Variants in PTAR1 observed in about 807,000 individuals in gnomAD.
PTAR1 encodes the protein protein prenyltransferase alpha subunit repeat-containing protein 1.
PTAR1 carries 17 observed loss-of-function variants against 45.5 expected under a neutral mutation model. The observed-to-expected ratio is 0.37, with a 90% CI of 0.26 to 0.56. The LOEUF (loss-of-function observed/expected upper bound fraction) is 0.56, where lower values mean the gene tolerates loss of function less well. PTAR1 is among the 20% of genes least tolerant of loss of function. PTAR1 has a pLI of 0.77. For missense variants in PTAR1, 391 were observed against 476.3 expected (o/e 0.82, Z 1.67); for synonymous variants, 169 against 171.3 (o/e 0.99, Z 0.11).
intron 5 of PTAR1, among the ~76,000 whole-genome samples, chr9:69,726,728 C>T (rs10780585): frequency 0.94 from 142,879 of 151,970 alleles, 67,179 homozygotes; most frequent in Middle Eastern, 0.99. Context: ...TTTTCCTTTG[C>T]TTCTTCATTT....
Position 69,718,278 on chromosome 9 carries a change from G to A in PTAR1, c.*64C>T. 1 of 1,156,098 alleles carries A rather than the reference G, an allele frequency of 8.6e-7. No individual in the cohort carries two copies. The highest frequency in any genetic ancestry group is 1.2e-6 in the Non-Finnish European group (1 of 819,280). 71.6% of individuals were successfully genotyped at this position (1,156,098 alleles called of 1,614,324 possible). ...AATAGTAAACAGTTCATGCAACTAT[G>A]TAAATAATAAAAGAAAGCAATATTG... On this transcript the variant is annotated 3_prime_UTR_variant, in exon 8 of 8. Coordinates refer to ENST00000340434, the MANE Select transcript of PTAR1 (RefSeq NM_001099666.2).
At chr9:69,745,385 T>G (rs1279766447) in intron 2 of PTAR1, among the ~76,000 whole-genome samples, 1 of 152,202 alleles carries the variant, frequency 6.6e-6, no homozygotes, top group Non-Finnish European at 1.5e-5. Flanking sequence ...GCATAGTCCC[T>G]TGGAATCTCC....
intron 2 of PTAR1, among the ~76,000 whole-genome samples, chr9:69,742,515 G>A (rs1303643641): frequency 6.6e-6 from 1 of 151,834 alleles, no homozygotes; most frequent in East Asian, 1.9e-4. Flanking sequence ...TGTTTTTAAC[G>A]TTATAGGTGA....
At chr9:69,735,629 G>C (rs1825753526) in intron 3 of PTAR1, among the ~76,000 whole-genome samples, 1 of 152,052 alleles carries the variant, frequency 6.6e-6, no homozygotes, top group East Asian at 1.9e-4. Flanking sequence ...GTAAGTTTTT[G>C]ATAAGTGCTG....
rs767605399 is a variant in PTAR1 at position 69,759,985 on chromosome 9, G to A, written c.-47C>T. The A allele has an allele frequency of 3.6e-5, 51 of 1,409,392 alleles. No individual in the cohort carries two copies. The highest frequency in any genetic ancestry group is 3.0e-4 in the African/African-American group (20 of 66,280). The allele number at this position is 1,409,392 out of a possible 1,614,324, so 87.3% of individuals were successfully genotyped here. On this transcript the variant is annotated 5_prime_UTR_variant, in exon 1 of 8. Transcript: ENST00000340434. ...TCGGGCGCGCCTCCGCGTGAGCCGG[G>A]CCGCCGGCGGGAGTTCCGCGGAGAA...
Position 69,718,565 on chromosome 9 carries a change from C to T in PTAR1, c.986G>A (p.Gly329Asp), listed in dbSNP as rs1455004537. ...IFYLQHHLNA[G>D]SQLSQAMEVD... ...TTCCATTGCTTGAGACAGCTGGGAG[C>T]CTGCTGGGATAAGGTGCAAGTCACT... The change falls in exon 8 of 8, where the codon GGC (glycine) becomes GAC (aspartate). Residue 329 changes from glycine to aspartate, a missense_variant. Transcript: ENST00000340434. The T allele has an allele frequency of 6.2e-7, 1 of 1,613,546 alleles. No homozygotes were observed. The highest frequency in any genetic ancestry group is 1.3e-5 in the African/African-American group (1 of 74,906).
intron 6 of PTAR1, among the ~76,000 whole-genome samples, chr9:69,722,644 A>G (rs11139990): frequency 0.42 from 59,868 of 142,484 alleles, 12,128 homozygotes; most frequent in Middle Eastern, 0.49. Context: ...TCTAGGGGGG[A>G]AAAAAAAAAA....
chr9:69,738,097 T>C (rs566641063), intron 3 of PTAR1, among the ~76,000 whole-genome samples: 1 of 152,230 alleles, frequency 6.6e-6, no homozygotes. Flanking sequence ...TGTCTCCTTA[T>C]GCTCCTCTTG....
rs961353471 is a variant in PTAR1, at chr9:69,751,029, T to A, written c.87-79A>T. ...ACATTTTTCTAATTTCAGAGTATTT[T>A]AAAAACCCCACATATTTCCCCCTTC... is the stretch of plus-strand genomic sequence containing the variant. On this transcript the variant is annotated intron_variant, in intron 1 of 7. Coordinates refer to ENST00000340434, the MANE Select transcript of PTAR1 (RefSeq NM_001099666.2). The A allele has an allele frequency of 2.3e-5, 23 of 1,004,062 alleles. No homozygotes were observed. In the Admixed American group the frequency reaches 4.9e-4, roughly 21 times the overall value. The allele number at this position is 1,004,062 out of a possible 1,614,324, so 62.2% of individuals were successfully genotyped here.
intron 4 of PTAR1, among the ~76,000 whole-genome samples, chr9:69,732,930 CTGTT>C (rs1017931449): frequency 1.8e-4 from 27 of 152,234 alleles, no homozygotes; most frequent in South Asian, 6.2e-4. Context: ...CTCCCTTTGT[CTGTT>C]TAAGATTTGC....
At chr9:69,739,963 A>AT (rs1013869601) in intron 3 of PTAR1, among the ~76,000 whole-genome samples, 1 of 152,270 alleles carries the variant, frequency 6.6e-6, no homozygotes, top group East Asian at 1.9e-4. Flanking sequence ...AACCAGACAT[A>AT]TTTTTTTAAA....
rs1364278277 is a variant in PTAR1, at chr9:69,710,141, A to G, written c.*8201T>C. On this transcript the variant is annotated 3_prime_UTR_variant, in exon 8 of 8. Transcript: ENST00000340434. ...TTAAAGTCATATTTTATACTCTATG[A>G]ATCTGTACTGTCCAGTATAGTAGCC... The G allele has an allele frequency of 6.6e-6, 1 of 152,100 alleles. No homozygotes were observed. The highest frequency in any genetic ancestry group is 1.5e-5 in the Non-Finnish European group (1 of 67,986). The allele number at this position is 152,100 out of a possible 1,614,324, so 9.4% of individuals were successfully genotyped here.
At chr9:69,729,998 A>G (rs1287929437) in intron 5 of PTAR1, among the ~76,000 whole-genome samples, 1 of 152,096 alleles carries the variant, frequency 6.6e-6, no homozygotes, top group Non-Finnish European at 1.5e-5. Flanking sequence ...ATGCTGGCTC[A>G]TTTCATATAT....
chr9:69,749,043 A>G (rs1826403928), intron 2 of PTAR1, among the ~76,000 whole-genome samples: 1 of 152,138 alleles, frequency 6.6e-6, no homozygotes. Context: ...GATGCCAGCT[A>G]TTCATGTGAG....
At chr9:69,719,712 T>C (rs1824898289) in intron 6 of PTAR1, among the ~76,000 whole-genome samples, 2 of 152,172 alleles carry the variant, frequency 1.3e-5, no homozygotes, top group Non-Finnish European at 2.9e-5. Context: ...GGTTTGGCAA[T>C]CTTGTGTCAA....
chr9:69,749,854 A>C (rs1826445446), intron 2 of PTAR1, among the ~76,000 whole-genome samples: 1 of 152,042 alleles, frequency 6.6e-6, no homozygotes, highest in Non-Finnish European at 1.5e-5. Flanking sequence ...TTTATCCCCC[A>C]CAGTACTCAG....
chr9:69,727,151 C>A (rs914065273), intron 5 of PTAR1, among the ~76,000 whole-genome samples: 53 of 152,058 alleles, frequency 3.5e-4, no homozygotes, highest in African/African-American at 1.3e-3. Flanking sequence ...TTATCTATCA[C>A]CTCACATAAG....
At position 69,710,714 on chromosome 9, in the gene PTAR1, A is replaced by G. The variant is rs1031583984; in HGVS notation, c.*7628T>C. On this transcript the variant is annotated 3_prime_UTR_variant, in exon 8 of 8. Coordinates refer to ENST00000340434, the MANE Select transcript of PTAR1 (RefSeq NM_001099666.2). ...ATGTAGACTGTTACATTGGGGAAAA[A>G]CAGATCAAGAAACATAGCAGTACAA... The G allele has an allele frequency of 6.6e-6, 1 of 152,176 alleles. No individual in the cohort carries two copies. The highest frequency in any genetic ancestry group is 2.4e-5 in the African/African-American group (1 of 41,458). The allele number at this position is 152,176 out of a possible 1,614,324, so 9.4% of individuals were successfully genotyped here.
chr9:69,723,348 G>T lies in PTAR1; in HGVS notation c.925C>A (p.His309Asn), dbSNP rs1564128025. The T allele has an allele frequency of 6.2e-7, 1 of 1,613,698 alleles. No homozygotes were observed. The highest frequency in any genetic ancestry group is 1.1e-5 in the South Asian group (1 of 91,070). ...STDLIDSYPG[H>N]ETLWCHRRHI... ...TACCTATGACACCAAAGGGTTTCAT[G>T]TCCTGGGTAGGAATCAATAAGATCA... The change falls in exon 6 of 8, where the codon CAT (histidine) becomes AAT (asparagine). Residue 309 changes from histidine to asparagine, a missense_variant. Transcript: ENST00000340434.
Sources: gnomAD v4.1 joint callset for allele counts (sites outside exome capture counted in the v4.1 genomes callset) on GRCh38, gnomAD v4.1.1 for gene constraint, MANE v1.5 for transcripts, NCBI Gene and HGNC (gene_info 2026-07-23, HGNC 2026-07-21) for gene names.